Variants in GRM7 observed in about 807,000 individuals in gnomAD.
GRM7 encodes metabotropic glutamate receptor 7.
In GRM7, 35 loss-of-function variants were observed where a neutral mutation model predicts 84.5. That is an observed-to-expected ratio of 0.41 (90% CI 0.32 to 0.55). The LOEUF is 0.55. Ranked by LOEUF, GRM7 falls within the 20% of genes least tolerant of loss-of-function variation. The pLI is 0.19. For missense variants in GRM7, 1,003 were observed against 1,194.6 expected, an observed-to-expected ratio of 0.84 and a Z score of 2.36; for synonymous variants, 487 against 455.1, an observed-to-expected ratio of 1.07 and a Z score of -0.89.
intron 4 of GRM7, among the ~76,000 whole-genome samples, chr3:7,356,323 A>G (rs1003496577): frequency 1.3e-5 from 2 of 149,734 alleles, no homozygotes; most frequent in African/African-American, 5.1e-5. Flanking sequence ...TTTTTTTGAG[A>G]CAGAGTCTCA....
intron 7 of GRM7, among the ~76,000 whole-genome samples, chr3:7,523,339 C>T (rs577078328): frequency 6.6e-6 from 1 of 152,184 alleles, no homozygotes; most frequent in Non-Finnish European, 1.5e-5. Flanking sequence ...CCCTATGTCC[C>T]TAATTAATCC....
intron 7 of GRM7, among the ~76,000 whole-genome samples, chr3:7,567,382 T>C (rs1193880925): frequency 1.3e-5 from 2 of 152,104 alleles, no homozygotes; most frequent in African/African-American, 2.4e-5. Flanking sequence ...AACAATGACA[T>C]TGTGATTTGC....
At chr3:7,082,883 C>T (rs984320375) in intron 1 of GRM7, among the ~76,000 whole-genome samples, 2 of 152,132 alleles carry the variant, frequency 1.3e-5, no homozygotes, top group African/African-American at 4.8e-5. Context: ...TGTGGCTAAT[C>T]TTCTTTGCTG....
At chr3:7,157,440 C>G (rs932859125) in intron 2 of GRM7, among the ~76,000 whole-genome samples, 2 of 151,996 alleles carry the variant, frequency 1.3e-5, no homozygotes, top group Non-Finnish European at 2.9e-5. Context: ...ATAAATTTTT[C>G]TAGTTAAAGT....
At chr3:7,009,951 T>C (rs1695312422) in intron 1 of GRM7, among the ~76,000 whole-genome samples, 1 of 152,210 alleles carries the variant, frequency 6.6e-6, no homozygotes. Flanking sequence ...ATTTAGCAAC[T>C]TTGATCTTTA....
In GRM7 at chr3:7,691,532, A is replaced by G. The variant is rs150320514; in HGVS notation, c.2698+11237A>G. 1.9e-3 allele frequency among the ~76,000 whole-genome samples: 287 copies of G among 152,290 alleles called. 2 individuals are homozygous for G. The highest frequency in any genetic ancestry group is 2.8e-3 in the Non-Finnish European group (192 of 68,030). On this transcript the variant is annotated intron_variant, in intron 9 of 9. Coordinates refer to ENST00000357716, the MANE Select transcript of GRM7 (RefSeq NM_000844.4). The stretch of plus-strand genomic sequence containing the variant: ...ATAAGATGGAAATAAGCTAATCTTG[A>G]TGAGGTACCATGGAGGTGGCATGAG...
intron 2 of GRM7, among the ~76,000 whole-genome samples, chr3:7,280,584 C>T (rs1451820428): frequency 6.6e-6 from 1 of 152,120 alleles, no homozygotes; most frequent in Non-Finnish European, 1.5e-5. Flanking sequence ...CATAGGCTGT[C>T]ACGGGAAGTA....
chr3:7,216,960 T>G (rs1696634726), intron 2 of GRM7, among the ~76,000 whole-genome samples: 1 of 152,192 alleles, frequency 6.6e-6, no homozygotes, highest in Admixed American at 6.5e-5. Context: ...AAAGGGAAGT[T>G]TTTGTAGTAA....
At chr3:6,883,481 AT>A (rs1559304820) in intron 1 of GRM7, among the ~76,000 whole-genome samples, 1 of 152,110 alleles carries the variant, frequency 6.6e-6, no homozygotes, top group Non-Finnish European at 1.5e-5. Flanking sequence ...ATAACTCCTT[AT>A]TTTATATTAT....
At chr3:7,210,269 C>G (rs1476858479) in intron 2 of GRM7, among the ~76,000 whole-genome samples, 1 of 152,214 alleles carries the variant, frequency 6.6e-6, no homozygotes, top group Non-Finnish European at 1.5e-5. Context: ...GGAGGATTTA[C>G]TCAGTTCCCA....
intron 4 of GRM7, among the ~76,000 whole-genome samples, chr3:7,377,433 C>T (rs1026077201): frequency 6.6e-6 from 1 of 152,162 alleles, no homozygotes; most frequent in Non-Finnish European, 1.5e-5. Flanking sequence ...CATTGTTCTT[C>T]TAAACTGCTT....
At chr3:7,602,781 T>C (rs1264634648) in intron 8 of GRM7, among the ~76,000 whole-genome samples, 1 of 152,206 alleles carries the variant, frequency 6.6e-6, no homozygotes, top group Non-Finnish European at 1.5e-5. Flanking sequence ...TGAGGAATTC[T>C]TTGAAGCTTG....
intron 1 of GRM7, among the ~76,000 whole-genome samples, chr3:7,119,873 A>G (rs913910128): frequency 2.6e-5 from 4 of 152,066 alleles, no homozygotes; most frequent in South Asian, 2.1e-4. Flanking sequence ...GGCGCTTCTG[A>G]TTTACATAGC....
chr3:7,409,720 C>T (rs1695840565), intron 4 of GRM7, among the ~76,000 whole-genome samples: 1 of 152,112 alleles, frequency 6.6e-6, no homozygotes, highest in Non-Finnish European at 1.5e-5. Context: ...CCTGCCTCAG[C>T]CTCCCAAGTA....
chr3:6,962,503 T>C (rs747659441), intron 1 of GRM7, among the ~76,000 whole-genome samples: 1 of 151,994 alleles, frequency 6.6e-6, no homozygotes, highest in Non-Finnish European at 1.5e-5. Context: ...AGATAAAACC[T>C]GAGGAACATG....
intron 1 of GRM7, among the ~76,000 whole-genome samples, chr3:6,918,016 G>T (rs1015389641): frequency 2.0e-5 from 3 of 152,092 alleles, no homozygotes; most frequent in African/African-American, 4.8e-5. Flanking sequence ...CCATATAAAA[G>T]GTCCTTTTTA....
intron 2 of GRM7, among the ~76,000 whole-genome samples, chr3:7,173,765 G>C (rs1374032715): frequency 1.3e-5 from 2 of 152,152 alleles, no homozygotes; most frequent in East Asian, 3.8e-4. Context: ...GCTTGGCTCA[G>C]ATTTCACTAC....
chr3:7,411,366 A>G (rs1480476038), intron 4 of GRM7, among the ~76,000 whole-genome samples: 2 of 152,244 alleles, frequency 1.3e-5, no homozygotes, highest in Non-Finnish European at 2.9e-5. Context: ...AGGGTTTAAA[A>G]ATAGTTATAA....
intron 9 of GRM7, among the ~76,000 whole-genome samples, chr3:7,700,589 A>G (rs917578023): frequency 6.6e-6 from 1 of 152,218 alleles, no homozygotes; most frequent in Admixed American, 6.5e-5. Flanking sequence ...AGTCATAAAT[A>G]TCCTGTAATA....
Sources: allele counts gnomAD v4.1 joint callset (sites outside exome capture counted in the v4.1 genomes callset), GRCh38; gene constraint gnomAD v4.1.1; transcripts MANE v1.5; gene names NCBI Gene and HGNC (gene_info 2026-07-23, HGNC 2026-07-21).